Variants in TSHZ2 observed in about 807,000 individuals in gnomAD.
TSHZ2 encodes teashirt zinc finger homeobox 2, also known as teashirt homolog 2.
TSHZ2 carries 21 observed loss-of-function variants against 74.4 expected under a neutral mutation model. The ratio of observed to expected loss-of-function variants is 0.28; its 90% CI spans 0.20 to 0.41. The LOEUF is 0.41. Among genes scored for constraint, TSHZ2 ranks in the 10% least tolerant of loss-of-function variants. TSHZ2 has a pLI of 1.00. For missense variants in TSHZ2, 1,244 were observed against 1,293.5 expected (o/e 0.96, Z 0.59); for synonymous variants, 540 against 515.3 (o/e 1.05, Z -0.65).
chr20:53,456,533 T>C (rs1985091973), intron 2 of TSHZ2, among the ~76,000 whole-genome samples: 1 of 113,122 alleles, frequency 8.8e-6, no homozygotes, highest in East Asian at 2.6e-4. Context: ...TGGTAGTTTC[T>C]TTTGCTGTGC....
intron 1 of TSHZ2, among the ~76,000 whole-genome samples, chr20:53,003,612 T>C (rs1238649734): frequency 6.6e-6 from 1 of 152,196 alleles, no homozygotes; most frequent in African/African-American, 2.4e-5. Flanking sequence ...CAATCACTAG[T>C]TGGCAGGCAG....
intron 1 of TSHZ2, among the ~76,000 whole-genome samples, chr20:53,088,253 T>G (rs1470337738): frequency 1.3e-5 from 2 of 152,190 alleles, no homozygotes; most frequent in African/African-American, 4.8e-5. Context: ...AGCACTGGAT[T>G]CAACTCTGGG....
At chr20:53,050,143 A>G (rs58478481) in intron 1 of TSHZ2, among the ~76,000 whole-genome samples, 2,178 of 91,600 alleles carry the variant, frequency 0.024, 74 homozygotes, top group South Asian at 0.035. Flanking sequence ...ATATATGTGT[A>G]TATATATATA....
intron 1 of TSHZ2, among the ~76,000 whole-genome samples, chr20:53,051,949 T>C (rs983790926): frequency 1.3e-5 from 2 of 151,784 alleles, no homozygotes; most frequent in African/African-American, 4.9e-5. Context: ...CCATTACCTT[T>C]TGGAACAAAA....
Position 52,972,695 on chromosome 20 carries a change from C to CGAG in TSHZ2, c.-578_-576dup, listed in dbSNP as rs530277912. ...GGCACGAATCCGCCATAGAGATCGG[C>CGAG]GAGGAGGAGGAGGAGGAGGAGGAAG... On this transcript the variant is annotated 5_prime_UTR_variant, in exon 1 of 3. Coordinates refer to ENST00000371497, the MANE Select transcript of TSHZ2 (RefSeq NM_173485.6). 5.2e-3 allele frequency: 634 copies of CGAG among 122,154 alleles called. 6 individuals are homozygous for CGAG. Among genetic ancestry groups the CGAG allele is most frequent in the African/African-American group, 0.016 (496 of 31,814 alleles). The allele number at this position is 122,154 out of a possible 1,614,324, so 7.6% of individuals were successfully genotyped here.
intron 2 of TSHZ2, among the ~76,000 whole-genome samples, chr20:53,373,531 A>G (rs1446343390): frequency 6.6e-6 from 1 of 152,160 alleles, no homozygotes; most frequent in Non-Finnish European, 1.5e-5. Context: ...TGTGTTCTCA[A>G]TCCAGTGGAA....
At chr20:52,982,355 TCA>T (rs1981598688) in intron 1 of TSHZ2, among the ~76,000 whole-genome samples, 1 of 152,200 alleles carries the variant, frequency 6.6e-6, no homozygotes, top group African/African-American at 2.4e-5. Context: ...GGAAGAACCC[TCA>T]GTCTTATTAT....
At chr20:53,479,417 G>A (rs780250495) in intron 2 of TSHZ2, among the ~76,000 whole-genome samples, 32 of 152,030 alleles carry the variant, frequency 2.1e-4, no homozygotes, top group Admixed American at 6.6e-4. Flanking sequence ...TCAGATGTGC[G>A]CCATAGGCAG....
chr20:53,323,915 A>T (rs1022217922), intron 2 of TSHZ2, among the ~76,000 whole-genome samples: 1 of 152,042 alleles, frequency 6.6e-6, no homozygotes, highest in Non-Finnish European at 1.5e-5. Flanking sequence ...TGATCACATC[A>T]TTTAAGACCA....
Position 52,974,786 on chromosome 20 carries a change from A to G in TSHZ2, c.40+1453A>G, listed in dbSNP as rs148375719. Among the ~76,000 whole-genome samples, 513 of 152,334 alleles carry G rather than the reference A, an allele frequency of 3.4e-3. 3 individuals are homozygous for G. The highest frequency in any genetic ancestry group is 0.012 in the African/African-American group (480 of 41,580). On this transcript the variant is annotated intron_variant, in intron 1 of 2. Coordinates refer to ENST00000371497, the MANE Select transcript of TSHZ2 (RefSeq NM_173485.6). ...TGAGTGTTTCAAAATATCCACAATT[A>G]TCATTCCTTCTGAGCACAGAATTGC...
intron 2 of TSHZ2, among the ~76,000 whole-genome samples, chr20:53,329,426 T>C (rs765237023): frequency 6.6e-6 from 1 of 152,214 alleles, no homozygotes; most frequent in Non-Finnish European, 1.5e-5. Flanking sequence ...AGGACTGTAT[T>C]TCTGTGATCT....
rs143724013 is a variant in TSHZ2 at position 53,469,045 on chromosome 20, TTATATATATATATATATA to T, written c.*9-18077_*9-18060del. Among the ~76,000 whole-genome samples the T allele has an allele frequency of 1.8e-3, 88 of 49,130 alleles. 10 individuals are homozygous for T. The highest frequency in any genetic ancestry group is 2.0e-3 in the African/African-American group (34 of 17,236). The allele number at this position is 49,130 out of a possible 152,430, so 32.2% of individuals were successfully genotyped here. ...ACCTAAAGGCTCTGAAATCGATATT[TTATATATATATATATATA>T]TATATATATATATATATATATGTAC... On this transcript the variant is annotated intron_variant, in intron 2 of 2. Transcript: ENST00000371497.
intron 2 of TSHZ2, among the ~76,000 whole-genome samples, chr20:53,470,470 A>G (rs927252839): frequency 6.6e-6 from 1 of 152,216 alleles, no homozygotes; most frequent in African/African-American, 2.4e-5. Context: ...TACACCGCTA[A>G]GCATCATGTG....
At chr20:52,980,858 A>G (rs1981538714) in intron 1 of TSHZ2, among the ~76,000 whole-genome samples, 1 of 152,204 alleles carries the variant, frequency 6.6e-6, no homozygotes. Context: ...ATCTCTATAT[A>G]AACTGCACAG....
chr20:53,253,527 AGAG>A lies in TSHZ2; in HGVS notation c.75_77del (p.Glu26del). 1.2e-6 allele frequency: 2 copies of A among 1,612,446 alleles called. No individual in the cohort carries two copies. The highest frequency in any genetic ancestry group is 1.7e-6 in the Non-Finnish European group (2 of 1,179,090). On this transcript the variant is annotated inframe_deletion, in exon 2 of 3. Transcript: ENST00000371497. The stretch of plus-strand genomic sequence containing the variant: ...ACGCCCAGGAGGAACAGCTGAAAGA[AGAG>A]GAGGAAATAAAAGAAGAGGAGGAGG...
Position 53,253,841 on chromosome 20 carries a change from T to A in TSHZ2, c.383T>A (p.Val128Asp), listed in dbSNP as rs754148662. 10 of 1,614,094 alleles carry A rather than the reference T, an allele frequency of 6.2e-6. No homozygotes were observed. In the African/African-American group the frequency reaches 8.0e-5, roughly 13 times the overall value. ...AHNCMDKMTA[V>D]YANILSDSYW... ...AATTGCATGGATAAAATGACCGCTG[T>A]CTACGCCAACATCCTGTCGGATTCC... The change falls in exon 2 of 3, where the codon GTC becomes GAC. Residue 128 changes from valine to aspartate, a missense_variant. Around this residue, in one of 6 missense-constraint regions of TSHZ2, gnomAD observed 470 missense variants for 456.5 expected, o/e 1.03. Coordinates refer to ENST00000371497, the MANE Select transcript of TSHZ2 (RefSeq NM_173485.6).
chr20:53,189,163 A>G (rs746554307), intron 1 of TSHZ2, among the ~76,000 whole-genome samples: 17 of 152,220 alleles, frequency 1.1e-4, no homozygotes, highest in Non-Finnish European at 2.2e-4. Context: ...AGAATCTAGC[A>G]GAGTTCTAGG....
chr20:53,170,518 T>A (rs1002839458), intron 1 of TSHZ2, among the ~76,000 whole-genome samples: 8 of 152,312 alleles, frequency 5.3e-5, no homozygotes, highest in Non-Finnish European at 1.2e-4. Flanking sequence ...CCTGCTATGA[T>A]GGTGGTGGCG....
intron 2 of TSHZ2, among the ~76,000 whole-genome samples, chr20:53,286,730 A>G (rs1211595926): frequency 6.6e-6 from 1 of 152,128 alleles, no homozygotes; most frequent in Non-Finnish European, 1.5e-5. Context: ...CTCTACAAAA[A>G]TAATTTATTT....
Sources: allele counts gnomAD v4.1 joint callset (sites outside exome capture counted in the v4.1 genomes callset), GRCh38; gene constraint gnomAD v4.1.1; regional missense constraint gnomAD v4.1.1; transcripts MANE v1.5; gene names NCBI Gene and HGNC (gene_info 2026-07-23, HGNC 2026-07-21).